Variants in SLC44A5 observed in about 807,000 individuals in gnomAD.
SLC44A5 encodes solute carrier family 44 member 5, also known as choline transporter-like protein 5.
Under a neutral mutation model 101.8 loss-of-function variants are expected in SLC44A5, and 57 were observed. The observed-to-expected ratio is 0.56, with a 90% confidence interval of 0.45 to 0.70. The LOEUF is 0.70. Among genes scored for constraint, SLC44A5 ranks in the 30% least tolerant of loss-of-function variants. The pLI is 0.00. For synonymous variants in SLC44A5, 281 were observed against 290.9 expected (o/e 0.97, Z 0.35); for missense variants, 737 against 853.1 (o/e 0.86, Z 1.70).
chr1:75,270,434 ATAT>A (rs1651373116), intron 6 of SLC44A5, among the ~76,000 whole-genome samples: 1 of 152,108 alleles, frequency 6.6e-6, no homozygotes, highest in South Asian at 2.1e-4. Context: ...GGAAATGGGT[ATAT>A]TATTCAACAA....
chr1:75,685,071 T>C, the SLC44A5 span, among the ~76,000 whole-genome samples: 1 of 152,188 alleles, frequency 6.6e-6, no homozygotes, highest in African/African-American at 2.4e-5. Context: ...CAAGACCACA[T>C]GTAAGCCACC....
the SLC44A5 span, among the ~76,000 whole-genome samples, chr1:75,682,156 T>C: frequency 6.6e-6 from 1 of 152,166 alleles, no homozygotes; most frequent in South Asian, 2.1e-4. Flanking sequence ...GAAGAATCAA[T>C]ATCGTGAAAA....
chr1:75,700,486 C>T, the SLC44A5 span, among the ~76,000 whole-genome samples: 3 of 152,166 alleles, frequency 2.0e-5, no homozygotes, highest in Non-Finnish European at 4.4e-5. Flanking sequence ...ATACCAGAAT[C>T]TCTGGGACAC....
At chr1:75,705,318 T>C in the SLC44A5 span, among the ~76,000 whole-genome samples, 1 of 152,178 alleles carries the variant, frequency 6.6e-6, no homozygotes, top group Admixed American at 6.6e-5. Flanking sequence ...TAAAAATGAG[T>C]TGCATTGCTG....
chr1:75,377,033 G>A (rs997236500), intron 3 of SLC44A5, among the ~76,000 whole-genome samples: 8 of 152,178 alleles, frequency 5.3e-5, no homozygotes, highest in Non-Finnish European at 1.0e-4. Flanking sequence ...GAAGAATGAA[G>A]AAGCCTCAGG....
chr1:75,473,375 G>A (rs950034046), intron 2 of SLC44A5, among the ~76,000 whole-genome samples: 8 of 152,188 alleles, frequency 5.3e-5, no homozygotes, highest in Admixed American at 3.9e-4. Flanking sequence ...TTCCAAAGAG[G>A]AAGAGGAAGC....
At chr1:75,580,703 G>A (rs370748660) in intron 1 of SLC44A5, among the ~76,000 whole-genome samples, 1 of 151,972 alleles carries the variant, frequency 6.6e-6, no homozygotes, top group East Asian at 1.9e-4. Flanking sequence ...GCTGGACATG[G>A]TGGCCACACC....
At chr1:75,556,298 T>C (rs1672213759) in intron 1 of SLC44A5, among the ~76,000 whole-genome samples, 1 of 152,180 alleles carries the variant, frequency 6.6e-6, no homozygotes, top group South Asian at 2.1e-4. Context: ...TGCAGTTTAC[T>C]GTAGCCAATT....
chr1:75,207,584 G>C (rs912202260), intron 23 of SLC44A5, among the ~76,000 whole-genome samples: 2 of 152,146 alleles, frequency 1.3e-5, no homozygotes, highest in African/African-American at 4.8e-5. Context: ...TGGTTTAGTA[G>C]ATTTCTACTA....
At chr1:75,316,710 A>G (rs1420580224) in intron 4 of SLC44A5, among the ~76,000 whole-genome samples, 1 of 152,236 alleles carries the variant, frequency 6.6e-6, no homozygotes, top group African/African-American at 2.4e-5. Context: ...GAGGGTTAGT[A>G]TTCTGATTTA....
chr1:75,677,703 AC>A, the SLC44A5 span: 1 of 425,886 alleles, frequency 2.3e-6, no homozygotes, highest in Non-Finnish European at 4.6e-6. Flanking sequence ...CATAAAAAAA[AC>A]AAGACCCAGT....
At position 75,275,103 on chromosome 1, in the gene SLC44A5, T is replaced by C. The variant is rs556375847; in HGVS notation, c.176-61A>G. The C allele has an allele frequency of 4.5e-6, 6 of 1,330,206 alleles. No homozygotes were observed. In the South Asian group the frequency reaches 6.1e-5, roughly 14 times the overall value. 82.4% of individuals were successfully genotyped at this position (1,330,206 alleles called of 1,614,324 possible). A position where few individuals can be genotyped will look rare whatever the true frequency, so the allele number is the denominator to read the frequency against. ...AAAAGCCAGCTAAAGGCAGTTTGATTTGAGATATTAGAATGCACCACTGCA... is the reference window on the plus strand; with the variant it reads ...AAAAGCCAGCTAAAGGCAGTTTGATCTGAGATATTAGAATGCACCACTGCA... On this transcript the variant is annotated intron_variant, in intron 5 of 23. Coordinates refer to ENST00000370859, the MANE Select transcript of SLC44A5 (RefSeq NM_001130058.2).
chr1:75,462,310 G>A (rs1666550236), intron 2 of SLC44A5, among the ~76,000 whole-genome samples: 1 of 152,222 alleles, frequency 6.6e-6, no homozygotes, highest in Non-Finnish European at 1.5e-5. Context: ...ACGTCTGCAA[G>A]AACCACAGTG....
intron 5 of SLC44A5, among the ~76,000 whole-genome samples, chr1:75,288,900 GATA>G (rs1653300383): frequency 6.6e-6 from 1 of 152,150 alleles, no homozygotes. Flanking sequence ...ACAGGGTTTT[GATA>G]ATATCCTTAT....
intron 1 of SLC44A5, among the ~76,000 whole-genome samples, chr1:75,575,668 A>G (rs1300654059): frequency 6.6e-6 from 1 of 152,226 alleles, no homozygotes; most frequent in Non-Finnish European, 1.5e-5. Context: ...TACAGAGGGT[A>G]TATATTTCTA....
intron 1 of SLC44A5, among the ~76,000 whole-genome samples, chr1:75,543,411 A>C (rs1348103802): frequency 1.3e-5 from 2 of 151,332 alleles, no homozygotes; most frequent in African/African-American, 4.9e-5. Flanking sequence ...TCCCGCAAAA[A>C]TATCTGAGTT....
At chr1:75,282,146 A>C (rs1557617159) in intron 5 of SLC44A5, among the ~76,000 whole-genome samples, 2 of 152,192 alleles carry the variant, frequency 1.3e-5, no homozygotes, top group Admixed American at 6.5e-5. Flanking sequence ...CCTATGACCA[A>C]GGGAGCCCAC....
At chr1:75,219,768 G>A (rs1427638595) in intron 15 of SLC44A5, 32 bp downstream of exon 15, 1 of 1,398,920 alleles carries the variant, frequency 7.1e-7, no homozygotes, top group South Asian at 1.2e-5. Context: ...ATGTGAACCT[G>A]AGGTTTAAAG....
chr1:75,411,259 A>G, intron 2 of SLC44A5, among the ~76,000 whole-genome samples: 1 of 152,104 alleles, frequency 6.6e-6, no homozygotes, highest in East Asian at 1.9e-4. Context: ...AGGGGTCTCA[A>G]GTCCAATGAG....
Sources: allele counts gnomAD v4.1 joint callset (sites outside exome capture counted in the v4.1 genomes callset), GRCh38; gene constraint gnomAD v4.1.1; transcripts MANE v1.5; gene names NCBI Gene and HGNC (gene_info 2026-07-23, HGNC 2026-07-21).